GDPD3: variants seen among roughly 807,000 people sequenced by gnomAD.
GDPD3 encodes glycerophosphodiester phosphodiesterase domain containing 3, also known as lysophospholipase D GDPD3.
A neutral mutation model predicts 43.7 loss-of-function variants in GDPD3; 40 were observed. The observed-to-expected ratio is 0.91, with a 90% CI of 0.71 to 1.19. GDPD3 has a LOEUF of 1.19. Ranked by LOEUF, GDPD3 falls within the 50% of genes most tolerant of loss-of-function variation. The pLI, the probability that GDPD3 is intolerant of heterozygous loss-of-function variation, is 0.00. For synonymous variants in GDPD3, 145 were observed against 162.9 expected, an observed-to-expected ratio of 0.89 and a Z score of 0.84; for missense variants, 363 against 415.8, an observed-to-expected ratio of 0.87 and a Z score of 1.11.
Position 30,113,237 on chromosome 16 carries a change from TCTC to T in GDPD3, c.139+100_139+102del. 6.9e-7 allele frequency: 1 copy of T among 1,454,274 alleles called. No individual in the cohort carries two copies. The highest frequency in any genetic ancestry group is 9.3e-7 in the Non-Finnish European group (1 of 1,071,882). 90.1% of individuals were successfully genotyped at this position (1,454,274 alleles called of 1,614,324 possible). ...TCCACACCCTGCCCTGCCACTTCGC[TCTC>T]CTTCTCTCTTGGTCCCTGCCCCGTT... On this transcript the variant is annotated intron_variant, in intron 1 of 9. Transcript: ENST00000406256. This position sits in a 1 kb window ranked among gnomAD's most constrained non-coding sequence, Gnocchi z 5.9.
chr16:30,113,525 G>T lies in GDPD3; in HGVS notation c.-47C>A, dbSNP rs17842267. ...CCTGCAGCCACACGCTCAGCCGTCC[G>T]CGGGACTGTGCTGCCTGCCTAGCCA... On this transcript the variant is annotated 5_prime_UTR_variant, in exon 1 of 10. Transcript: ENST00000406256. The surrounding 1 kb of genome is among the most constrained non-coding windows in gnomAD (Gnocchi z 5.9). 12 of 1,489,962 alleles carry T rather than the reference G, an allele frequency of 8.1e-6. No individual in the cohort carries two copies. Among genetic ancestry groups the T allele is most frequent in the African/African-American group, 1.4e-5 (1 of 71,550 alleles). 92.3% of individuals were successfully genotyped at this position (1,489,962 alleles called of 1,614,324 possible).
chr16:30,106,992 A>C (rs2072865534), intron 9 of GDPD3, among the ~76,000 whole-genome samples: 1 of 152,134 alleles, frequency 6.6e-6, no homozygotes, highest in African/African-American at 2.4e-5. Flanking sequence ...TGCAGGCATG[A>C]GCCACTGCAC....
Position 30,112,855 on chromosome 16 carries a change from T to C in GDPD3, c.183-62A>G, listed in dbSNP as rs1489693236. On this transcript the variant is annotated intron_variant, in intron 2 of 9. Coordinates refer to ENST00000406256, the MANE Select transcript of GDPD3 (RefSeq NM_024307.3). The surrounding 1 kb of genome is among the most constrained non-coding windows in gnomAD (Gnocchi z 5.4). ...GGACTGGGATGAGGGGCATGGTGGC[T>C]GGGAGGTGGCCGGGAATGTGAGAGC... 6.3e-7 allele frequency: 1 copy of C among 1,576,992 alleles called. No homozygotes were observed. The highest frequency in any genetic ancestry group is 8.7e-7 in the Non-Finnish European group (1 of 1,154,692).
rs752824310 is a variant in GDPD3, at chr16:30,113,318, T to G, written c.139+22A>C. On this transcript the variant is annotated intron_variant, in intron 1 of 9. Transcript: ENST00000406256. This position sits in a 1 kb window ranked among gnomAD's most constrained non-coding sequence, Gnocchi z 5.9. ...TCTGTGCTGTCCACTTTGGCACCTG[T>G]TCTCACCCCTACCCGGCTCACCTCC... 1.3e-6 allele frequency: 2 copies of G among 1,577,926 alleles called. No homozygotes were observed. The highest frequency in any genetic ancestry group is 2.3e-5 in the South Asian group (2 of 85,650).
At chr16:30,112,000 T>C (rs1295116726) in intron 6 of GDPD3, 132 bp downstream of exon 6, 10 of 669,164 alleles carry the variant, frequency 1.5e-5, no homozygotes, top group African/African-American at 3.6e-5. Flanking sequence ...ACCCTTTTCA[T>C]TGCCACCGCC....
At position 30,112,632 on chromosome 16, in the gene GDPD3, G is replaced by A. The variant is rs1382928863; in HGVS notation, c.318+26C>T. 6.2e-7 allele frequency: 1 copy of A among 1,614,072 alleles called. No individual in the cohort carries two copies. The highest frequency in any genetic ancestry group is 2.2e-5 in the East Asian group (1 of 44,882). On this transcript the variant is annotated intron_variant, in intron 3 of 9. Coordinates refer to ENST00000406256, the MANE Select transcript of GDPD3 (RefSeq NM_024307.3). The surrounding 1 kb of genome is among the most constrained non-coding windows in gnomAD (Gnocchi z 5.4). ...TGGGCATGGTGACTCTCAGGGTGGG[G>A]GTTGGGGTGTCAGGGCAGGGCCCAC...
At chr16:30,108,112 T>G in intron 9 of GDPD3, 101 bp downstream of exon 9, 33 of 967,932 alleles carry the variant, frequency 3.4e-5, no homozygotes, top group Non-Finnish European at 4.9e-5. Flanking sequence ...GAAACTGAGG[T>G]GAGGTCACCT....
chr16:30,109,371 G>C (rs150773264), intron 7 of GDPD3, among the ~76,000 whole-genome samples: 1 of 152,134 alleles, frequency 6.6e-6, no homozygotes, highest in Non-Finnish European at 1.5e-5. Flanking sequence ...TTAGCCGGGC[G>C]TGGTGGCAGA....
rs2072918075 is a variant in GDPD3 at position 30,113,147 on chromosome 16, G to C, written c.140-83C>G. 1.4e-6 allele frequency: 2 copies of C among 1,410,948 alleles called. No individual in the cohort carries two copies. Among genetic ancestry groups the C allele is most frequent in the Non-Finnish European group, 2.0e-6 (2 of 1,015,402 alleles). 87.4% of individuals were successfully genotyped at this position (1,410,948 alleles called of 1,614,324 possible). A position where few individuals can be genotyped will look rare whatever the true frequency, so the allele number is the denominator to read the frequency against. ...CTCATCACCCACATTCCCTCTCTGG[G>C]CTCCATCCTCCCTCTGGCCTCACCT... On this transcript the variant is annotated intron_variant, in intron 1 of 9. Coordinates refer to ENST00000406256, the MANE Select transcript of GDPD3 (RefSeq NM_024307.3). This position sits in a 1 kb window ranked among gnomAD's most constrained non-coding sequence, Gnocchi z 5.9.
Position 30,112,232 on chromosome 16 carries a change from G to A in GDPD3, c.484-11C>T, listed in dbSNP as rs1567351728. 1.2e-5 allele frequency: 19 copies of A among 1,612,974 alleles called. No individual in the cohort carries two copies. Among genetic ancestry groups the A allele is most frequent in the Admixed American group, 1.7e-5 (1 of 60,018 alleles). Reference sequence around the variant, plus strand: ...CACCAAGCCTGCTATCTGGGAGGAGGAGAAGGAGGTGAAGGGAGAGCCAGG... The same window carrying A: ...CACCAAGCCTGCTATCTGGGAGGAGAAGAAGGAGGTGAAGGGAGAGCCAGG... On this transcript the variant is annotated splice_polypyrimidine_tract_variant and intron_variant, in intron 5 of 9. Transcript: ENST00000406256. The surrounding 1 kb of genome is among the most constrained non-coding windows in gnomAD (Gnocchi z 5.4).
At chr16:30,109,664 G>A in intron 7 of GDPD3, among the ~76,000 whole-genome samples, 1 of 152,050 alleles carries the variant, frequency 6.6e-6, no homozygotes, top group African/African-American at 2.4e-5. Context: ...AAATTAGCCA[G>A]GATGGTGGTG....
chr16:30,106,989 A>C (rs943560191), intron 9 of GDPD3, among the ~76,000 whole-genome samples: 1 of 151,996 alleles, frequency 6.6e-6, no homozygotes, highest in Admixed American at 6.6e-5. Context: ...GATTGCAGGC[A>C]TGAGCCACTG....
Position 30,112,259 on chromosome 16 carries a change from C to T in GDPD3, c.484-38G>A, listed in dbSNP as rs2072906370. On this transcript the variant is annotated intron_variant, in intron 5 of 9. Coordinates refer to ENST00000406256, the MANE Select transcript of GDPD3 (RefSeq NM_024307.3). The surrounding 1 kb of genome is among the most constrained non-coding windows in gnomAD (Gnocchi z 5.4). ...GAAGGAGGTGAAGGGAGAGCCAGGC[C>T]TCTCTCACGCCCCCGGTGGCCGCCC... The T allele has an allele frequency of 6.2e-7, 1 of 1,613,076 alleles. No homozygotes were observed. Among genetic ancestry groups the T allele is most frequent in the East Asian group, 2.2e-5 (1 of 44,872 alleles).
At chr16:30,110,212 G>C (rs577364079) in intron 7 of GDPD3, among the ~76,000 whole-genome samples, 1 of 152,078 alleles carries the variant, frequency 6.6e-6, no homozygotes, top group Non-Finnish European at 1.5e-5. Flanking sequence ...CGAGGCAGGC[G>C]GATCATGAGG....
rs1340917458 is a variant in GDPD3 at position 30,112,669 on chromosome 16, G to A, written c.307C>T (p.Leu103=). 1 of 1,613,974 alleles carries A rather than the reference G, an allele frequency of 6.2e-7. No individual in the cohort carries two copies. The highest frequency in any genetic ancestry group is 1.1e-5 in the South Asian group (1 of 91,086). ...AGGGCAGGGCCCACCTCGAAGTCCAGGCTGCCCACATCCCTGTTTAGGCCC... is the reference window on the plus strand; with the variant it reads ...AGGGCAGGGCCCACCTCGAAGTCCAAGCTGCCCACATCCCTGTTTAGGCCC... The part of the protein sequence containing the change: ...QSGLNRDVGS[L]DFEDLPLYKE... The change falls in exon 3 of 10, where the codon CTG becomes TTG. Residue 103 remains leucine, a synonymous_variant. Transcript: ENST00000406256. This position sits in a 1 kb window ranked among gnomAD's most constrained non-coding sequence, Gnocchi z 5.4.
intron 9 of GDPD3, among the ~76,000 whole-genome samples, chr16:30,105,758 C>T (rs969286353): frequency 6.7e-6 from 1 of 148,950 alleles, no homozygotes; most frequent in Non-Finnish European, 1.5e-5. Context: ...CCGCCTCGGC[C>T]TCCCAAAGTG....
At chr16:30,111,644 A>G in intron 6 of GDPD3, 123 bp from the exon 7 acceptor site, 1 of 1,087,928 alleles carries the variant, frequency 9.2e-7, no homozygotes, top group Non-Finnish European at 1.3e-6. Flanking sequence ...TCCAAGTCAC[A>G]TCTTGGGGCT....
intron 6 of GDPD3, chr16:30,111,750 T>A: frequency 5.4e-6 from 3 of 553,598 alleles, no homozygotes; most frequent in Non-Finnish European, 9.6e-6. Flanking sequence ...CTGGCTAACA[T>A]GGTAAAACCC....
At chr16:30,106,776 G>A (rs1158491064) in intron 9 of GDPD3, among the ~76,000 whole-genome samples, 3 of 151,794 alleles carry the variant, frequency 2.0e-5, no homozygotes, top group Non-Finnish European at 2.9e-5. Flanking sequence ...GCGTGATCTC[G>A]GCTCACTATA....
Sources: gnomAD v4.1 joint callset for allele counts (sites outside exome capture counted in the v4.1 genomes callset) on GRCh38, gnomAD v4.1.1 for gene constraint, Gnocchi (gnomAD v3.1) non-coding constraint, MANE v1.5 for transcripts, NCBI Gene and HGNC (gene_info 2026-07-23, HGNC 2026-07-21) for gene names.